RGS6: variants seen among roughly 807,000 people sequenced by gnomAD.
RGS6 encodes regulator of G-protein signaling 6.
A neutral mutation model predicts 78.5 loss-of-function variants in RGS6; 30 were observed. The ratio of observed to expected loss-of-function variants is 0.38; its 90% confidence interval spans 0.29 to 0.52. The LOEUF is 0.52. Among genes scored for constraint, RGS6 ranks in the 20% least tolerant of loss-of-function variants. The probability of loss-of-function intolerance (pLI) is 0.85; values close to 1 mark genes in which losing one functional copy is unlikely to be tolerated. For synonymous variants in RGS6, 206 were observed against 206.0 expected (o/e 1.00, Z 0.00); for missense variants, 495 against 609.7 (o/e 0.81, Z 1.98).
chr14:72,613,977 C>A, the RGS6 span, among the ~76,000 whole-genome samples: 1 of 152,258 alleles, frequency 6.6e-6, no homozygotes, highest in South Asian at 2.1e-4. Flanking sequence ...CCTCCTTCCC[C>A]CTGCCCCACT....
At chr14:71,867,941 C>A in the RGS6 span, among the ~76,000 whole-genome samples, 4 of 152,098 alleles carry the variant, frequency 2.6e-5, no homozygotes, top group Non-Finnish European at 5.9e-5. Context: ...TTAAGGGACT[C>A]CACATACCTC....
At chr14:72,157,759 A>G (rs2096793726) in intron 2 of RGS6, among the ~76,000 whole-genome samples, 1 of 152,170 alleles carries the variant, frequency 6.6e-6, no homozygotes, top group Admixed American at 6.5e-5. Flanking sequence ...ATACTTAACC[A>G]CTGGCTTGTT....
At chr14:72,607,946 T>C in the RGS6 span, among the ~76,000 whole-genome samples, 1 of 152,182 alleles carries the variant, frequency 6.6e-6, no homozygotes, top group Non-Finnish European at 1.5e-5. Flanking sequence ...GATGACTCAT[T>C]AAAGAACAGT....
At chr14:72,234,988 C>T (rs897168372) in intron 2 of RGS6, among the ~76,000 whole-genome samples, 3 of 152,248 alleles carry the variant, frequency 2.0e-5, no homozygotes, top group South Asian at 2.1e-4. Flanking sequence ...TTCTTGTCCT[C>T]GTTTTACAAT....
chr14:72,537,652 C>A, intron 16 of RGS6: 1 of 656,198 alleles, frequency 1.5e-6, no homozygotes, highest in Non-Finnish European at 2.7e-6. Context: ...TTTCTAAGAA[C>A]TAGAGGAAAG....
At chr14:72,221,174 C>T (rs996487172) in intron 2 of RGS6, among the ~76,000 whole-genome samples, 20 of 152,314 alleles carry the variant, frequency 1.3e-4, no homozygotes, top group African/African-American at 4.6e-4. Flanking sequence ...TATATTTCTT[C>T]TACTACTGCC....
At chr14:72,256,202 G>T (rs941123044) in intron 2 of RGS6, among the ~76,000 whole-genome samples, 2 of 152,100 alleles carry the variant, frequency 1.3e-5, no homozygotes, top group Admixed American at 1.3e-4. Context: ...GGCATGCAGG[G>T]GGCTAGGGAA....
chr14:72,321,312 C>T (rs1048075170), intron 2 of RGS6, among the ~76,000 whole-genome samples: 4 of 151,378 alleles, frequency 2.6e-5, no homozygotes, highest in Non-Finnish European at 4.4e-5. Context: ...TTTAAAAAAG[C>T]AATAGAAACA....
At chr14:72,403,915 G>A (rs182688538) in intron 3 of RGS6, among the ~76,000 whole-genome samples, 2 of 152,102 alleles carry the variant, frequency 1.3e-5, no homozygotes, top group Non-Finnish European at 2.9e-5. Flanking sequence ...GTACATTATT[G>A]AACCTGTAAT....
chr14:72,148,044 T>C (rs1443918678), intron 2 of RGS6, among the ~76,000 whole-genome samples: 2 of 146,248 alleles, frequency 1.4e-5, no homozygotes, highest in African/African-American at 5.1e-5. Flanking sequence ...GGCAGGAGAA[T>C]GGCATGAACC....
rs545850644 is a variant in RGS6, at chr14:72,009,942, T to C, written c.84+45067T>C. 2.0e-5 allele frequency among the ~76,000 whole-genome samples: 3 copies of C among 152,362 alleles called. No individual in the cohort carries two copies. In the Middle Eastern group the frequency reaches 0.01, roughly 518 times the overall value. ...GAGGAATCTAAATCCTGGCTTGGTA[T>C]TATGAAGCAGGCTTACTCTCTTTTT... On this transcript the variant is annotated intron_variant, in intron 2 of 17. Coordinates refer to ENST00000553525, the MANE Select transcript of RGS6 (RefSeq NM_001204424.2).
At chr14:72,585,142 C>T in the RGS6 span, among the ~76,000 whole-genome samples, 2 of 151,976 alleles carry the variant, frequency 1.3e-5, no homozygotes, top group East Asian at 3.9e-4. Flanking sequence ...CAAATCTATA[C>T]TTTCAGTCTA....
chr14:72,341,206 G>T (rs1013858829), intron 2 of RGS6, among the ~76,000 whole-genome samples: 2 of 152,104 alleles, frequency 1.3e-5, no homozygotes, highest in Non-Finnish European at 2.9e-5. Flanking sequence ...ATAGTGGAAG[G>T]CAAAGAGGAC....
At position 72,495,208 on chromosome 14, in the gene RGS6, A is replaced by G; in HGVS notation, c.911A>G (p.Glu304Gly). ...TATGACCCTTTGATAACACCAGCTGAGCCATCCAACCCTTGGATCAGCGAT... is the reference window on the plus strand; with the variant it reads ...TATGACCCTTTGATAACACCAGCTGGGCCATCCAACCCTTGGATCAGCGAT... The part of the protein sequence containing the change: ...VEYDPLITPA[E>G]PSNPWISDDV... The change falls in exon 13 of 18, where the codon GAG (glutamate) becomes GGG (glycine). Residue 304 changes from glutamate (E) to glycine (G), a missense_variant. By Grantham distance (98) the Glu-to-Gly change is moderately conservative. Coordinates refer to ENST00000553525, the MANE Select transcript of RGS6 (RefSeq NM_001204424.2). The G allele has an allele frequency of 6.2e-7, 1 of 1,613,722 alleles. No individual in the cohort carries two copies. Among genetic ancestry groups the G allele is most frequent in the East Asian group, 2.2e-5 (1 of 44,898 alleles).
At chr14:72,221,318 G>A (rs1341402121) in intron 2 of RGS6, among the ~76,000 whole-genome samples, 1 of 152,086 alleles carries the variant, frequency 6.6e-6, no homozygotes, top group African/African-American at 2.4e-5. Flanking sequence ...TTTTGCAATG[G>A]CTCTAGTAGA....
At chr14:72,215,328 G>A (rs891902078) in intron 2 of RGS6, among the ~76,000 whole-genome samples, 12 of 152,152 alleles carry the variant, frequency 7.9e-5, no homozygotes, top group African/African-American at 2.7e-4. Context: ...CTGCTGCTTT[G>A]CTGACGGGGT....
chr14:72,535,443 A>C (rs1176177773), intron 15 of RGS6, among the ~76,000 whole-genome samples: 2 of 152,238 alleles, frequency 1.3e-5, no homozygotes, highest in African/African-American at 4.8e-5. Flanking sequence ...TATAAGAAAT[A>C]CTGTGCTGTT....
intron 13 of RGS6, among the ~76,000 whole-genome samples, chr14:72,503,536 G>A (rs2096756877): frequency 6.6e-6 from 1 of 152,016 alleles, no homozygotes; most frequent in East Asian, 1.9e-4. Context: ...AAACTACAAT[G>A]GTGGGAGAGG....
In RGS6 at chr14:72,011,466, C is replaced by T. The variant is rs116321714; in HGVS notation, c.84+46591C>T. On this transcript the variant is annotated intron_variant, in intron 2 of 17. Coordinates refer to ENST00000553525, the MANE Select transcript of RGS6 (RefSeq NM_001204424.2). Reference sequence around the variant, plus strand: ...GCCTCCATTTTGCTCATGGCATTCCCTTGAATTAGGTTCTATGAGTGGAAT... The same window carrying T: ...GCCTCCATTTTGCTCATGGCATTCCTTTGAATTAGGTTCTATGAGTGGAAT... 4.6e-3 allele frequency among the ~76,000 whole-genome samples: 704 copies of T among 152,144 alleles called. 5 individuals are homozygous for T. The highest frequency in any genetic ancestry group is 0.016 in the African/African-American group (683 of 41,500).
Sources: gnomAD v4.1 joint callset for allele counts (sites outside exome capture counted in the v4.1 genomes callset) on GRCh38, gnomAD v4.1.1 for gene constraint, MANE v1.5 for transcripts, NCBI Gene and HGNC (gene_info 2026-07-23, HGNC 2026-07-21) for gene names.